The following CYB561D2 variants were observed in gnomAD, a reference collection of about 807,000 sequenced individuals.
CYB561D2 encodes transmembrane reductase CYB561D2.
In CYB561D2, 16 loss-of-function variants were observed where a neutral mutation model predicts 20.2. The ratio of observed to expected loss-of-function variants is 0.79; its 90% CI spans 0.53 to 1.20. CYB561D2 has a LOEUF of 1.20. Among genes scored for constraint, CYB561D2 ranks in the 50% most tolerant of loss-of-function variants. The pLI is 0.00. For synonymous variants in CYB561D2, 135 were observed against 128.3 expected (o/e 1.05, Z -0.35); for missense variants, 247 against 270.3 (o/e 0.91, Z 0.60).
intron 1 of CYB561D2, 89 bp from the exon 2 acceptor site, chr3:50,351,320 A>G: frequency 7.3e-7 from 1 of 1,373,056 alleles, no homozygotes; most frequent in Non-Finnish European, 1.0e-6. Context: ...TTATTGGAAG[A>G]GGGTGGCATT....
intron 1 of CYB561D2, 36 bp from the exon 2 acceptor site, chr3:50,351,373 C>T (rs1703753985): frequency 6.3e-6 from 10 of 1,584,322 alleles, no homozygotes; most frequent in African/African-American, 2.7e-5. Flanking sequence ...GAACAGTGGG[C>T]ACCTGAGATC....
At position 50,350,883 on chromosome 3, in the gene CYB561D2, A is replaced by G; in HGVS notation, c.-127A>G. 1 of 1,398,892 alleles carries G rather than the reference A, an allele frequency of 7.1e-7. No homozygotes were observed. Among genetic ancestry groups the G allele is most frequent in the Non-Finnish European group, 9.2e-7 (1 of 1,082,452 alleles). The allele number at this position is 1,398,892 out of a possible 1,614,324, so 86.7% of individuals were successfully genotyped here. A position where few individuals can be genotyped will look rare whatever the true frequency, so the allele number is the denominator to read the frequency against. On this transcript the variant is annotated 5_prime_UTR_variant, in exon 1 of 4. Coordinates refer to ENST00000425346, the MANE Select transcript of CYB561D2 (RefSeq NM_001291284.2). The surrounding 1 kb of genome is among the most constrained non-coding windows in gnomAD (Gnocchi z 5.7). ...GGGTAGACGTCGCACCCGGAAGTAA[A>G]GCGGCTCCGTGACGGAGCGGCGGTG... is the stretch of plus-strand genomic sequence containing the variant.
chr3:50,352,510 C>CA (rs1276866428), intron 3 of CYB561D2, among the ~76,000 whole-genome samples: 2 of 137,866 alleles, frequency 1.5e-5, no homozygotes, highest in Non-Finnish European at 3.2e-5. Flanking sequence ...AACCCAAAAA[C>CA]AAAAAAACCC....
At chr3:50,352,151 G>A in intron 3 of CYB561D2, 105 bp downstream of exon 3, 8 of 1,365,054 alleles carry the variant, frequency 5.9e-6, no homozygotes, top group Non-Finnish European at 8.3e-6. Flanking sequence ...GTTTGGAAGA[G>A]TTGCATGCTC....
chr3:50,350,946 G>A lies in CYB561D2; in HGVS notation c.-64G>A. 1.5e-6 allele frequency: 2 copies of A among 1,343,062 alleles called. No individual in the cohort carries two copies. The highest frequency in any genetic ancestry group is 3.0e-5 in the African/African-American group (2 of 67,686). The allele number at this position is 1,343,062 out of a possible 1,614,324, so 83.2% of individuals were successfully genotyped here. ...CCCGGAGTATCCCGCTTTCTTTGGA[G>A]GAAACCACCGCATCAGATCTGCGCT... is the stretch of plus-strand genomic sequence containing the variant. On this transcript the variant is annotated 5_prime_UTR_variant, in exon 1 of 4. Coordinates refer to ENST00000425346, the MANE Select transcript of CYB561D2 (RefSeq NM_001291284.2). The surrounding 1 kb of genome is among the most constrained non-coding windows in gnomAD (Gnocchi z 5.7).
chr3:50,351,473 G>A lies in CYB561D2; in HGVS notation c.40G>A (p.Ala14Thr). 6.2e-7 allele frequency: 1 copy of A among 1,613,790 alleles called. No homozygotes were observed. The change falls in exon 2 of 4, where the codon GCT becomes ACT. Residue 14 changes from alanine to threonine, a missense_variant. By Grantham distance (58) the Ala-to-Thr change is moderately conservative (BLOSUM62 0). Transcript: ENST00000425346. The stretch of plus-strand genomic sequence containing the variant: ...GGAGACCGAGTCACACATCTACCGA[G>A]CTCTGCGTACTGCTTCTGGCGCTGC... ...SAETESHIYR[A>T]LRTASGAAAH...
chr3:50,350,910 G>A lies in CYB561D2; in HGVS notation c.-100G>A. 7.2e-7 allele frequency: 1 copy of A among 1,393,888 alleles called. No homozygotes were observed. Among genetic ancestry groups the A allele is most frequent in the African/African-American group, 1.5e-5 (1 of 68,668 alleles). The allele number at this position is 1,393,888 out of a possible 1,614,324, so 86.3% of individuals were successfully genotyped here. ...CGGCTCCGTGACGGAGCGGCGGTGC[G>A]CGCGGCAGGGCCCGGAGTATCCCGC... is the stretch of plus-strand genomic sequence containing the variant. On this transcript the variant is annotated 5_prime_UTR_variant, in exon 1 of 4. Coordinates refer to ENST00000425346, the MANE Select transcript of CYB561D2 (RefSeq NM_001291284.2). This position sits in a 1 kb window ranked among gnomAD's most constrained non-coding sequence, Gnocchi z 5.7.
At chr3:50,351,818 G>A (rs1011731720) in intron 2 of CYB561D2, among the ~76,000 whole-genome samples, 191 bp from the exon 3 acceptor site, 1 of 152,216 alleles carries the variant, frequency 6.6e-6, no homozygotes, top group Non-Finnish European at 1.5e-5. Flanking sequence ...GGCAAAGCAT[G>A]GCCTCTGATC....
In CYB561D2 at chr3:50,351,526, C is replaced by T. The variant is rs1261430245; in HGVS notation, c.93C>T (p.Thr31=). 1.2e-6 allele frequency: 2 copies of T among 1,608,462 alleles called. No individual in the cohort carries two copies. The highest frequency in any genetic ancestry group is 1.3e-5 in the African/African-American group (1 of 74,800). ...CCCACCTTGTGGCCCTGGGCTTTACCATCTTTGTGGCTGTGCTTGCCAGGC... is the reference window on the plus strand; with the variant it reads ...CCCACCTTGTGGCCCTGGGCTTTACTATCTTTGTGGCTGTGCTTGCCAGGC... ...AAAHLVALGF[T]IFVAVLARPG... is the part of the protein sequence containing the mutation. The change falls in exon 2 of 4, where the codon ACC becomes ACT. Residue 31 remains threonine, a synonymous_variant. Coordinates refer to ENST00000425346, the MANE Select transcript of CYB561D2 (RefSeq NM_001291284.2).
rs1051276739 is a variant in CYB561D2 at position 50,350,881 on chromosome 3, A to C, written c.-129A>C. 2 of 1,401,956 alleles carry C rather than the reference A, an allele frequency of 1.4e-6. No individual in the cohort carries two copies. The highest frequency in any genetic ancestry group is 1.8e-6 in the Non-Finnish European group (2 of 1,084,120). The allele number at this position is 1,401,956 out of a possible 1,614,324, so 86.8% of individuals were successfully genotyped here. ...GTGGGTAGACGTCGCACCCGGAAGT[A>C]AAGCGGCTCCGTGACGGAGCGGCGG... On this transcript the variant is annotated 5_prime_UTR_variant, in exon 1 of 4. Coordinates refer to ENST00000425346, the MANE Select transcript of CYB561D2 (RefSeq NM_001291284.2). This position sits in a 1 kb window ranked among gnomAD's most constrained non-coding sequence, Gnocchi z 5.7.
intron 1 of CYB561D2, 190 bp downstream of exon 1, chr3:50,351,174 G>A (rs1703749313): frequency 3.8e-6 from 2 of 520,834 alleles, no homozygotes; most frequent in Middle Eastern, 5.3e-4. Context: ...ATGGCTTTGC[G>A]CCTCCTACCT....
At chr3:50,352,227 TC>T (rs1559860147) in intron 3 of CYB561D2, among the ~76,000 whole-genome samples, 181 bp downstream of exon 3, 2 of 152,086 alleles carry the variant, frequency 1.3e-5, no homozygotes, top group South Asian at 4.2e-4. Context: ...ATGCCTGTAA[TC>T]CCAGCACTTA....
At chr3:50,352,235 C>T (rs1703783553) in intron 3 of CYB561D2, among the ~76,000 whole-genome samples, 189 bp downstream of exon 3, 1 of 151,992 alleles carries the variant, frequency 6.6e-6, no homozygotes, top group African/African-American at 2.4e-5. Context: ...AATCCCAGCA[C>T]TTAGAGGCCG....
At position 50,351,483 on chromosome 3, in the gene CYB561D2, C is replaced by G. The variant is rs771656815; in HGVS notation, c.50C>G (p.Thr17Ser). Residue 17 changes from threonine to serine, a missense_variant, in exon 2 of 4, where the codon ACT (threonine) becomes AGT (serine). Transcript: ENST00000425346. Reference sequence around the variant, plus strand: ...TCACACATCTACCGAGCTCTGCGTACTGCTTCTGGCGCTGCCGCCCACCTT... The same window carrying G: ...TCACACATCTACCGAGCTCTGCGTAGTGCTTCTGGCGCTGCCGCCCACCTT... Reference protein sequence around the residue: ...TESHIYRALRTASGAAAHLVA... With the variant: ...TESHIYRALRSASGAAAHLVA... The G allele has an allele frequency of 6.2e-7, 1 of 1,613,850 alleles. No homozygotes were observed. Among genetic ancestry groups the G allele is most frequent in the South Asian group, 1.1e-5 (1 of 91,092 alleles).
In CYB561D2 at chr3:50,354,037, T is replaced by C. The variant is rs58181992; in HGVS notation, c.*293T>C. 27,062 of 312,950 alleles carry C rather than the reference T, an allele frequency of 0.086. 4,536 individuals are homozygous for C. Among genetic ancestry groups the C allele is most frequent in the East Asian group, 0.53 (10,025 of 18,982 alleles). 19.4% of individuals were successfully genotyped at this position (312,950 alleles called of 1,614,324 possible). On this transcript the variant is annotated 3_prime_UTR_variant, in exon 4 of 4. Transcript: ENST00000425346. ...ACTTGTACTGTATGTTCAGAAATTT[T>C]AGGAGAGAAAAAAGTAAAAAATTTG...
At chr3:50,351,017 G>A in intron 1 of CYB561D2, 33 bp downstream of exon 1, 1 of 771,574 alleles carries the variant, frequency 1.3e-6, no homozygotes, top group East Asian at 4.1e-5. Context: ...CAGCATGCTG[G>A]CAGCACTTGG....
Position 50,351,929 on chromosome 3 carries a change from G to C in CYB561D2, c.128-80G>C, listed in dbSNP as rs587669042. ...GCACCTCCTTGGGTGATGGGCTGCTGGTATTCCTCAACCCTTAAGGATTGG... is the reference window on the plus strand; with the variant it reads ...GCACCTCCTTGGGTGATGGGCTGCTCGTATTCCTCAACCCTTAAGGATTGG... On this transcript the variant is annotated intron_variant, in intron 2 of 3. Coordinates refer to ENST00000425346, the MANE Select transcript of CYB561D2 (RefSeq NM_001291284.2). 41 of 1,559,082 alleles carry C rather than the reference G, an allele frequency of 2.6e-5. No homozygotes were observed. In the South Asian group the frequency reaches 3.1e-4, roughly 12 times the overall value.
chr3:50,352,390 G>A (rs1349318465), intron 3 of CYB561D2, among the ~76,000 whole-genome samples: 4 of 150,960 alleles, frequency 2.6e-5, no homozygotes, highest in African/African-American at 7.3e-5. Flanking sequence ...TGAGGCAGGA[G>A]AATCGCATGA....
chr3:50,351,806 G>C (rs2109372389), intron 2 of CYB561D2, among the ~76,000 whole-genome samples: 1 of 152,370 alleles, frequency 6.6e-6, no homozygotes, highest in African/African-American at 2.4e-5. Context: ...TGCCAGAGGA[G>C]TGGCAAAGCA....
Sources: allele counts gnomAD v4.1 joint callset (sites outside exome capture counted in the v4.1 genomes callset), GRCh38; gene constraint gnomAD v4.1.1; non-coding constraint Gnocchi (gnomAD v3.1); transcripts MANE v1.5; gene names NCBI Gene and HGNC (gene_info 2026-07-23, HGNC 2026-07-21).